ZBTB46: variants seen among roughly 807,000 people sequenced by gnomAD.
ZBTB46 encodes the protein zinc finger and BTB domain-containing protein 46.
Under a neutral mutation model 44.1 loss-of-function variants are expected in ZBTB46, and 8 were observed. The ratio of observed to expected loss-of-function variants is 0.18; its 90% CI spans 0.11 to 0.33. The LOEUF is 0.33. Among genes scored for constraint, ZBTB46 ranks in the 10% least tolerant of loss-of-function variants. The pLI, the probability that ZBTB46 is intolerant of heterozygous loss-of-function variation, is 1.00. For synonymous variants in ZBTB46, 409 were observed against 382.3 expected, an observed-to-expected ratio of 1.07 and a Z score of -0.81; for missense variants, 651 against 847.7, an observed-to-expected ratio of 0.77 and a Z score of 2.88.
At chr20:63,754,383 A>C (rs1601396740) in intron 3 of ZBTB46, among the ~76,000 whole-genome samples, 1 of 152,306 alleles carries the variant, frequency 6.6e-6, no homozygotes, top group East Asian at 1.9e-4. Context: ...CCAACAGAGC[A>C]AACGCTCCAC....
At position 63,789,830 on chromosome 20, in the gene ZBTB46, G is replaced by C. The variant is rs367796887; in HGVS notation, c.928C>G (p.Arg310Gly). 1.4e-5 allele frequency: 23 copies of C among 1,609,162 alleles called. No homozygotes were observed. Among genetic ancestry groups the C allele is most frequent in the Non-Finnish European group, 1.9e-5 (22 of 1,178,718 alleles). Residue 310 changes from arginine to glycine, a missense_variant, in exon 2 of 5, where the codon CGA becomes GGA. Arg to Gly is a moderately radical substitution (Grantham distance 125). Around this residue, in one of 5 missense-constraint regions of ZBTB46, gnomAD observed 385 missense variants for 423.3 expected, o/e 0.91. Transcript: ENST00000245663. Reference protein sequence around the residue: ...LPTSGWPFSSRDSNADLSVTE... With the variant: ...LPTSGWPFSSGDSNADLSVTE... ...CGAGTGAAAGGCTTACTTGAGTCTC[G>C]GCTGCTGAACGGCCACCCCGACGTC...
chr20:63,799,939 T>TAC (rs1186424990), intron 1 of ZBTB46, among the ~76,000 whole-genome samples: 2 of 152,118 alleles, frequency 1.3e-5, no homozygotes, highest in Non-Finnish European at 1.5e-5. Context: ...ACAACTCCGG[T>TAC]ACCTACCCGA....
At chr20:63,831,692 G>T (rs2092853356), upstream of ZBTB46, among the ~76,000 whole-genome samples, 1 of 150,488 alleles carries the variant, frequency 6.6e-6, no homozygotes, top group African/African-American at 2.4e-5. Flanking sequence ...CGACCCCGGC[G>T]AGGGCACCCG....
intron 3 of ZBTB46, among the ~76,000 whole-genome samples, chr20:63,755,928 G>A (rs558154128): frequency 1.3e-5 from 2 of 152,338 alleles, no homozygotes; most frequent in African/African-American, 2.4e-5. Flanking sequence ...GTTCTCGCAA[G>A]GAAAAGGCCA....
chr20:63,776,016 A>G, intron 2 of ZBTB46, 54 bp from the exon 3 acceptor site: 2 of 1,494,042 alleles, frequency 1.3e-6, no homozygotes, highest in Non-Finnish European at 1.8e-6. Flanking sequence ...AGACTCTCCA[A>G]GTGGGACAGG....
At chr20:63,793,347 G>A (rs1419691543) in intron 1 of ZBTB46, among the ~76,000 whole-genome samples, 1 of 152,184 alleles carries the variant, frequency 6.6e-6, no homozygotes, top group Admixed American at 6.5e-5. Flanking sequence ...GCCCCAGGAG[G>A]GCAGGGCAGG....
chr20:63,821,134 G>A (rs1205845208), intron 1 of ZBTB46, among the ~76,000 whole-genome samples: 1 of 149,908 alleles, frequency 6.7e-6, no homozygotes, highest in Non-Finnish European at 1.5e-5. Flanking sequence ...CTCATGATCC[G>A]CCCGCCTCAG....
chr20:63,774,696 TTGTTTTTTTTTTTG>T lies in ZBTB46; in HGVS notation c.1222+968_1222+981del, dbSNP rs1456616701. 4.7e-4 allele frequency among the ~76,000 whole-genome samples: 10 copies of T among 21,090 alleles called. 1 individual carries two copies. Among genetic ancestry groups the T allele is most frequent in the African/African-American group, 1.3e-3 (7 of 5,218 alleles). 13.8% of individuals were successfully genotyped at this position (21,090 alleles called of 152,430 possible). ...GGGGGCTGGCTGCGGTGGGTTTTTTTTGTTTTTTTTTTTGTTTTTTTTTTTGAGACAGAGTCTCC... is the reference window on the plus strand; with the variant it reads ...GGGGGCTGGCTGCGGTGGGTTTTTTTTTTTTTTTTTTGAGACAGAGTCTCC... On this transcript the variant is annotated intron_variant, in intron 3 of 4. Coordinates refer to ENST00000245663, the MANE Select transcript of ZBTB46 (RefSeq NM_001369741.1).
chr20:63,768,561 C>G (rs368740176), intron 3 of ZBTB46, among the ~76,000 whole-genome samples: 2 of 151,810 alleles, frequency 1.3e-5, no homozygotes, highest in Admixed American at 6.6e-5. Flanking sequence ...GAGCTAAGAT[C>G]GCACCACTGC....
chr20:63,821,053 C>A (rs1381457534), intron 1 of ZBTB46, among the ~76,000 whole-genome samples: 1 of 151,832 alleles, frequency 6.6e-6, no homozygotes, highest in African/African-American at 2.4e-5. Flanking sequence ...CCATCACGCC[C>A]AGCTAATTTT....
intron 2 of ZBTB46, among the ~76,000 whole-genome samples, chr20:63,778,678 C>T (rs1374394183): frequency 6.6e-6 from 1 of 152,196 alleles, no homozygotes. Context: ...CCTATGACTT[C>T]TTCTGGAGGC....
intron 1 of ZBTB46, among the ~76,000 whole-genome samples, chr20:63,800,826 G>A (rs66780440): frequency 0.18 from 27,445 of 152,180 alleles, 3,020 homozygotes; most frequent in East Asian, 0.45. Flanking sequence ...CCCCCTCCCC[G>A]CAGTGGGCTC....
chr20:63,804,768 T>G (rs927635264), intron 1 of ZBTB46, among the ~76,000 whole-genome samples: 2 of 151,762 alleles, frequency 1.3e-5, no homozygotes, highest in Non-Finnish European at 2.9e-5. Context: ...GGGGGGCGCC[T>G]GTAGTCCCAG....
chr20:63,745,152 T>A lies in ZBTB46; in HGVS notation c.*1778A>T, dbSNP rs1337909954. On this transcript the variant is annotated 3_prime_UTR_variant, in exon 5 of 5. Coordinates refer to ENST00000245663, the MANE Select transcript of ZBTB46 (RefSeq NM_001369741.1). The stretch of plus-strand genomic sequence containing the variant: ...TGCCAGAGCCACCCACCTTGCTCGG[T>A]AAGAGTGGGCAGGGCTCACCGCTGA... 9.9e-5 allele frequency: 15 copies of A among 152,232 alleles called. No homozygotes were observed. The highest frequency in any genetic ancestry group is 8.8e-5 in the Non-Finnish European group (6 of 68,042). The allele number at this position is 152,232 out of a possible 1,614,324, so 9.4% of individuals were successfully genotyped here.
intron 3 of ZBTB46, among the ~76,000 whole-genome samples, chr20:63,756,600 C>T (rs538065501): frequency 2.8e-4 from 43 of 152,374 alleles, no homozygotes; most frequent in Non-Finnish European, 3.4e-4. Flanking sequence ...AGTGCAAATA[C>T]GTATACAGCT....
At chr20:63,749,514 T>A (rs1482230532) in intron 4 of ZBTB46, among the ~76,000 whole-genome samples, 2 of 152,162 alleles carry the variant, frequency 1.3e-5, no homozygotes, top group Admixed American at 1.3e-4. Context: ...TTTTTTGTAT[T>A]TTTAGTAGAG....
In ZBTB46 at chr20:63,787,205, T is replaced by C. The variant is rs754243943; in HGVS notation, c.937+2616A>G. Among the ~76,000 whole-genome samples, 5 of 152,164 alleles carry C rather than the reference T, an allele frequency of 3.3e-5. No individual in the cohort carries two copies. Among genetic ancestry groups the C allele is most frequent in the African/African-American group, 4.8e-5 (2 of 41,426 alleles). ...AGGGATGGACCACAGATAACCACTG[T>C]GGTCCCGTAGATTAGAACGCAGCCG... is the stretch of plus-strand genomic sequence containing the variant. On this transcript the variant is annotated intron_variant, in intron 2 of 4. Coordinates refer to ENST00000245663, the MANE Select transcript of ZBTB46 (RefSeq NM_001369741.1). The surrounding 1 kb of genome is among the most constrained non-coding windows in gnomAD (Gnocchi z 4.6).
chr20:63,803,136 G>C lies in ZBTB46; in HGVS notation c.-33-12346C>G, dbSNP rs1024530344. ...CAGGGCACCTCACCAGCAGGAACCA[G>C]GCGTGGGCACCATCCCCCAGGATGC... On this transcript the variant is annotated intron_variant, in intron 1 of 4. Coordinates refer to ENST00000245663, the MANE Select transcript of ZBTB46 (RefSeq NM_001369741.1). This position sits in a 1 kb window ranked among gnomAD's most constrained non-coding sequence, Gnocchi z 4.0. Among the ~76,000 whole-genome samples, 2 of 152,102 alleles carry C rather than the reference G, an allele frequency of 1.3e-5. No individual in the cohort carries two copies. Among genetic ancestry groups the C allele is most frequent in the Non-Finnish European group, 2.9e-5 (2 of 68,008 alleles).
At position 63,746,909 on chromosome 20, in the gene ZBTB46, C is replaced by G; in HGVS notation, c.*21G>C. ...CGGGTGGACGGAGCGAGGCAGCCAC[C>G]GACCCTGCCGGCGGGCGGGCCTAGG... On this transcript the variant is annotated 3_prime_UTR_variant, in exon 5 of 5. Transcript: ENST00000245663. 2 of 1,504,882 alleles carry G rather than the reference C, an allele frequency of 1.3e-6. No homozygotes were observed. Among genetic ancestry groups the G allele is most frequent in the Non-Finnish European group, 1.8e-6 (2 of 1,128,134 alleles). 93.2% of individuals were successfully genotyped at this position (1,504,882 alleles called of 1,614,324 possible). A position where few individuals can be genotyped will look rare whatever the true frequency, so the allele number is the denominator to read the frequency against.
Sources: gnomAD v4.1 joint callset for allele counts (sites outside exome capture counted in the v4.1 genomes callset) on GRCh38, gnomAD v4.1.1 for gene constraint, gnomAD v4.1.1 regional missense constraint, Gnocchi (gnomAD v3.1) non-coding constraint, MANE v1.5 for transcripts, NCBI Gene and HGNC (gene_info 2026-07-23, HGNC 2026-07-21) for gene names.